SYT1: variants seen among roughly 807,000 people sequenced by gnomAD.
SYT1 encodes the protein synaptotagmin-1.
In SYT1, 8 loss-of-function variants were observed where a neutral mutation model predicts 44.8. That is an observed-to-expected ratio of 0.18 (90% CI 0.10 to 0.32). The LOEUF (loss-of-function observed/expected upper bound fraction) is 0.32, where lower values mean the gene tolerates loss of function less well. Among genes scored for constraint, SYT1 ranks in the 10% least tolerant of loss-of-function variants. The pLI is 1.00. For missense variants in SYT1, 286 were observed against 509.3 expected (o/e 0.56, Z 4.22); for synonymous variants, 154 against 188.8 (o/e 0.82, Z 1.51).
At chr12:79,047,807 G>A (rs1328091542) in intron 3 of SYT1, among the ~76,000 whole-genome samples, 1 of 151,216 alleles carries the variant, frequency 6.6e-6, no homozygotes, top group South Asian at 2.1e-4. Flanking sequence ...GCAGCTATCT[G>A]CAGGCTTAAA....
At chr12:78,897,977 G>T (rs1565707587) in intron 1 of SYT1, among the ~76,000 whole-genome samples, 1 of 151,816 alleles carries the variant, frequency 6.6e-6, no homozygotes, top group Non-Finnish European at 1.5e-5. Flanking sequence ...GCTCCTAAAG[G>T]GTGAAACATC....
At chr12:79,129,733 A>ACC (rs1380153962) in intron 3 of SYT1, among the ~76,000 whole-genome samples, 2 of 152,180 alleles carry the variant, frequency 1.3e-5, no homozygotes, top group Non-Finnish European at 2.9e-5. Context: ...CAAGAGACTT[A>ACC]CCAGTACCTT....
At chr12:79,257,081 A>C (rs1183099999) in intron 4 of SYT1, among the ~76,000 whole-genome samples, 1 of 152,220 alleles carries the variant, frequency 6.6e-6, no homozygotes, top group African/African-American at 2.4e-5. Flanking sequence ...AATTTTGTTG[A>C]ATTTAGCCTT....
At chr12:79,174,313 T>C (rs1438763818) in intron 3 of SYT1, among the ~76,000 whole-genome samples, 2 of 151,878 alleles carry the variant, frequency 1.3e-5, no homozygotes, top group Non-Finnish European at 2.9e-5. Context: ...ATAGCATAAA[T>C]ACAGAAAAAA....
chr12:78,949,483 A>T (rs922472769), intron 1 of SYT1, among the ~76,000 whole-genome samples: 7 of 151,918 alleles, frequency 4.6e-5, no homozygotes, highest in Admixed American at 2.6e-4. Context: ...TCATTAAAAA[A>T]AAAAAAACCT....
intron 3 of SYT1, among the ~76,000 whole-genome samples, chr12:79,113,587 C>T (rs1487631292): frequency 6.6e-6 from 1 of 151,948 alleles, no homozygotes; most frequent in Non-Finnish European, 1.5e-5. Flanking sequence ...AAAAATAAAA[C>T]CTATTTAACT....
intron 3 of SYT1, among the ~76,000 whole-genome samples, chr12:79,152,736 A>C (rs1189403573): frequency 6.6e-6 from 1 of 152,052 alleles, no homozygotes; most frequent in Non-Finnish European, 1.5e-5. Context: ...TATTTGAAGA[A>C]TAGAATGGAA....
chr12:79,255,147 G>A (rs957985193), intron 4 of SYT1, among the ~76,000 whole-genome samples: 6 of 152,186 alleles, frequency 3.9e-5, no homozygotes, highest in Non-Finnish European at 7.3e-5. Flanking sequence ...GAAAGGAAGA[G>A]TTGGTTGATG....
At chr12:79,046,128 C>A (rs1874033643) in intron 2 of SYT1, among the ~76,000 whole-genome samples, 1 of 152,044 alleles carries the variant, frequency 6.6e-6, no homozygotes, top group Non-Finnish European at 1.5e-5. Flanking sequence ...ATGGATTTTA[C>A]TAAGAAACAG....
Position 79,353,513 on chromosome 12 carries a change from G to A in SYT1, c.822G>A (p.Leu274=), listed in dbSNP as rs2136007449. 6.2e-7 allele frequency: 1 copy of A among 1,613,180 alleles called. No individual in the cohort carries two copies. Among genetic ancestry groups the A allele is most frequent in the Non-Finnish European group, 8.5e-7 (1 of 1,179,188 alleles). ...ATTGGTTTTCTTAGCAAGAGAAATT[G>A]GGTGATATCTGCTTCTCCCTTCGCT... The part of the protein sequence containing the change: ...QSAEKEEQEK[L]GDICFSLRYV... Residue 274 remains leucine (L), a synonymous_variant, in exon 9 of 11, where the codon TTG becomes TTA. Coordinates refer to ENST00000261205, the MANE Select transcript of SYT1 (RefSeq NM_005639.3).
chr12:79,347,523 C>A (rs1192970308), intron 8 of SYT1, among the ~76,000 whole-genome samples: 1 of 152,186 alleles, frequency 6.6e-6, no homozygotes, highest in Non-Finnish European at 1.5e-5. Flanking sequence ...GATTCCCTCA[C>A]TCCCAAAGAG....
chr12:78,986,815 A>G (rs933017178), intron 2 of SYT1, among the ~76,000 whole-genome samples: 1 of 152,040 alleles, frequency 6.6e-6, no homozygotes, highest in African/African-American at 2.4e-5. Flanking sequence ...TTCTCCATAT[A>G]CATGAAGGAT....
chr12:78,969,204 T>C (rs1290789553), intron 1 of SYT1, among the ~76,000 whole-genome samples: 1 of 152,138 alleles, frequency 6.6e-6, no homozygotes, highest in Non-Finnish European at 1.5e-5. Context: ...AAGATGTACG[T>C]AGGTTATATT....
intron 1 of SYT1, among the ~76,000 whole-genome samples, chr12:78,931,117 G>A (rs559816505): frequency 4.7e-5 from 7 of 148,490 alleles, no homozygotes; most frequent in African/African-American, 1.8e-4. Context: ...AGCTGAGATC[G>A]CACCACTGCA....
chr12:79,147,858 G>A (rs1870017405), intron 3 of SYT1, among the ~76,000 whole-genome samples: 1 of 152,054 alleles, frequency 6.6e-6, no homozygotes, highest in Non-Finnish European at 1.5e-5. Flanking sequence ...GGATGTATAA[G>A]GGAATTTGTA....
chr12:78,958,079 A>G (rs71462199), intron 1 of SYT1, among the ~76,000 whole-genome samples: 14,396 of 152,078 alleles, frequency 0.095, 964 homozygotes, highest in East Asian at 0.3. Flanking sequence ...TTTTGAGTGT[A>G]CTTTTCATCT....
intron 9 of SYT1, among the ~76,000 whole-genome samples, chr12:79,411,192 C>T (rs1479068629): frequency 6.6e-6 from 1 of 152,172 alleles, no homozygotes; most frequent in Non-Finnish European, 1.5e-5. Flanking sequence ...TCTCTTCTGC[C>T]GTCCTCAGCA....
chr12:79,249,173 C>T lies in SYT1; in HGVS notation c.166+31488C>T, dbSNP rs1877037294. 2.9e-5 allele frequency among the ~76,000 whole-genome samples: 4 copies of T among 138,718 alleles called. No individual in the cohort carries two copies. The South Asian group carries it at 7.2e-4, about 25-fold the overall frequency. The allele number at this position is 138,718 out of a possible 152,430, so 91.0% of individuals were successfully genotyped here. ...ACTGCGGACTGCAGTGGCGCAATCT[C>T]GGCTCACTGCAAGCTCCGCTTCCCG... On this transcript the variant is annotated intron_variant, in intron 4 of 10. Transcript: ENST00000261205.
chr12:78,891,831 A>G (rs1340545573), intron 1 of SYT1, among the ~76,000 whole-genome samples: 1 of 151,822 alleles, frequency 6.6e-6, no homozygotes, highest in Non-Finnish European at 1.5e-5. Flanking sequence ...ATGGGTGGCA[A>G]AATAAACCAA....
Sources: gnomAD v4.1 joint callset for allele counts (sites outside exome capture counted in the v4.1 genomes callset) on GRCh38, gnomAD v4.1.1 for gene constraint, MANE v1.5 for transcripts, NCBI Gene and HGNC (gene_info 2026-07-23, HGNC 2026-07-21) for gene names.